ZNF385D: variants seen among roughly 807,000 people sequenced by gnomAD.
The protein encoded by ZNF385D is zinc finger protein 385D.
Under a neutral mutation model 35.8 loss-of-function variants are expected in ZNF385D, and 15 were observed. The ratio of observed to expected loss-of-function variants is 0.42; its 90% CI spans 0.28 to 0.64. The LOEUF is 0.64. ZNF385D is among the 30% of genes least tolerant of loss of function. The pLI is 0.23. For missense variants in ZNF385D, 474 were observed against 494.6 expected, an observed-to-expected ratio of 0.96 and a Z score of 0.39; for synonymous variants, 212 against 186.8, an observed-to-expected ratio of 1.13 and a Z score of -1.10.
intron 3 of ZNF385D, among the ~76,000 whole-genome samples, chr3:21,827,845 T>C (rs776845256): frequency 3.9e-5 from 6 of 152,216 alleles, no homozygotes; most frequent in African/African-American, 7.2e-5. Flanking sequence ...ATTAAATACA[T>C]AGTTCAGAAA....
chr3:22,340,911 G>C (rs753187558), intron 2 of ZNF385D, among the ~76,000 whole-genome samples: 1 of 152,178 alleles, frequency 6.6e-6, no homozygotes, highest in Non-Finnish European at 1.5e-5. Context: ...TGTGCTACCA[G>C]GACATCTTTC....
At chr3:21,651,032 C>G (rs972042503) in intron 2 of ZNF385D, among the ~76,000 whole-genome samples, 2 of 151,726 alleles carry the variant, frequency 1.3e-5, no homozygotes, top group African/African-American at 4.8e-5. Context: ...GTAATCCCAG[C>G]ACTTTGGGAG....
chr3:22,018,916 A>G (rs1697048767), intron 3 of ZNF385D, among the ~76,000 whole-genome samples: 2 of 151,852 alleles, frequency 1.3e-5, no homozygotes, highest in African/African-American at 2.4e-5. Context: ...CTCTAGGCCT[A>G]CGGAGTACAG....
At chr3:22,105,259 G>C (rs1231680576) in intron 3 of ZNF385D, among the ~76,000 whole-genome samples, 1 of 150,700 alleles carries the variant, frequency 6.6e-6, no homozygotes, top group Non-Finnish European at 1.5e-5. Context: ...GTGCCAAATA[G>C]TGTACATTTA....
intron 3 of ZNF385D, among the ~76,000 whole-genome samples, chr3:21,894,868 C>T (rs1291997545): frequency 6.6e-6 from 1 of 152,004 alleles, no homozygotes; most frequent in Non-Finnish European, 1.5e-5. Flanking sequence ...CCATGCCAAC[C>T]TCTGAAGAGT....
chr3:22,250,526 C>G (rs1382423895), intron 2 of ZNF385D, among the ~76,000 whole-genome samples: 1 of 152,010 alleles, frequency 6.6e-6, no homozygotes, highest in Non-Finnish European at 1.5e-5. Context: ...CACAACCTGA[C>G]AATACATAAG....
chr3:22,200,819 G>A (rs577815753), intron 2 of ZNF385D, among the ~76,000 whole-genome samples: 91 of 152,108 alleles, frequency 6.0e-4, no homozygotes, highest in East Asian at 2.1e-3. Flanking sequence ...AGAATTCAGC[G>A]ATATTTCTCC....
At chr3:22,103,809 C>A (rs73139402) in intron 3 of ZNF385D, among the ~76,000 whole-genome samples, 1 of 151,702 alleles carries the variant, frequency 6.6e-6, no homozygotes, top group African/African-American at 2.4e-5. Flanking sequence ...GCAAACTATG[C>A]CTTACCATAG....
intron 2 of ZNF385D, among the ~76,000 whole-genome samples, chr3:21,637,945 A>G (rs13064180): frequency 0.13 from 19,443 of 152,066 alleles, 1,631 homozygotes; most frequent in African/African-American, 0.23. Flanking sequence ...TAGTCTTAAT[A>G]CATTTGCCCT....
At chr3:21,785,163 G>T (rs373001488) in intron 3 of ZNF385D, among the ~76,000 whole-genome samples, 1 of 152,090 alleles carries the variant, frequency 6.6e-6, no homozygotes, top group Non-Finnish European at 1.5e-5. Flanking sequence ...CCCAAATCAC[G>T]TAACTATTAA....
In ZNF385D at chr3:21,750,979, C is replaced by A. The variant is rs772155187; in HGVS notation, c.-63G>T. On this transcript the variant is annotated 5_prime_UTR_variant, in exon 1 of 8. Coordinates refer to ENST00000281523, the MANE Select transcript of ZNF385D (RefSeq NM_024697.3). ...CATCAGCTCTCACCCAAGGCTGGCACGTAGAGCAGAGCCCTTTCATGCTAC... is the reference window on the plus strand; with the variant it reads ...CATCAGCTCTCACCCAAGGCTGGCAAGTAGAGCAGAGCCCTTTCATGCTAC... The A allele has an allele frequency of 2.2e-4, 348 of 1,613,264 alleles. No homozygotes were observed. Among genetic ancestry groups the A allele is most frequent in the Non-Finnish European group, 2.8e-4 (336 of 1,179,794 alleles).
chr3:22,044,807 T>G (rs1319853124), intron 3 of ZNF385D, among the ~76,000 whole-genome samples: 3 of 151,980 alleles, frequency 2.0e-5, no homozygotes, highest in Non-Finnish European at 4.4e-5. Context: ...GACAAGAACT[T>G]AAGCTAAATG....
rs187234027 is a variant in ZNF385D, at chr3:21,591,199, C to T, written c.166-26515G>A. Among the ~76,000 whole-genome samples, 48 of 152,118 alleles carry T rather than the reference C, an allele frequency of 3.2e-4. 1 individual carries two copies. Among genetic ancestry groups the T allele is most frequent in the Non-Finnish European group, 3.8e-4 (26 of 67,966 alleles). On this transcript the variant is annotated intron_variant, in intron 2 of 7. Coordinates refer to ENST00000281523, the MANE Select transcript of ZNF385D (RefSeq NM_024697.3). ...AGACAGACCACATCTCAAAACAAAA[C>T]AAAGTTTCATGAGGTTCCTCATACT...
At chr3:22,084,592 A>G (rs1700929940) in intron 3 of ZNF385D, among the ~76,000 whole-genome samples, 1 of 152,204 alleles carries the variant, frequency 6.6e-6, no homozygotes. Context: ...GTCCCTAGCA[A>G]CCTACAAAGA....
intron 3 of ZNF385D, among the ~76,000 whole-genome samples, chr3:22,002,370 C>T (rs1470433300): frequency 6.6e-6 from 1 of 152,078 alleles, no homozygotes; most frequent in Non-Finnish European, 1.5e-5. Context: ...CAGACTCACA[C>T]AACCTACCAC....
chr3:21,523,768 CA>C (rs1708055795), intron 3 of ZNF385D, among the ~76,000 whole-genome samples: 1 of 93,890 alleles, frequency 1.1e-5, no homozygotes, highest in East Asian at 3.8e-4. Context: ...GAAGGCTGTG[CA>C]AATTTTTTTT....
At chr3:22,127,200 CCTGA>C (rs1005139591) in intron 3 of ZNF385D, among the ~76,000 whole-genome samples, 4 of 151,846 alleles carry the variant, frequency 2.6e-5, no homozygotes, top group Non-Finnish European at 4.4e-5. Context: ...AGGACTTACT[CCTGA>C]CATTTTGTTA....
chr3:21,607,577 T>G (rs2064521628), intron 2 of ZNF385D, among the ~76,000 whole-genome samples: 1 of 152,168 alleles, frequency 6.6e-6, no homozygotes, highest in Non-Finnish European at 1.5e-5. Context: ...CCATATCTTC[T>G]TGGAAAACTA....
intron 3 of ZNF385D, among the ~76,000 whole-genome samples, chr3:21,989,632 C>T (rs527757608): frequency 2.0e-5 from 3 of 151,986 alleles, no homozygotes; most frequent in Non-Finnish European, 2.9e-5. Context: ...CTTGGAAACA[C>T]TGGATGCATG....
Sources: gnomAD v4.1 joint callset for allele counts (sites outside exome capture counted in the v4.1 genomes callset) on GRCh38, gnomAD v4.1.1 for gene constraint, MANE v1.5 for transcripts, NCBI Gene and HGNC (gene_info 2026-07-23, HGNC 2026-07-21) for gene names.